The following DNASE1L3 variants were observed in gnomAD, a reference collection of about 807,000 sequenced individuals.
The protein encoded by DNASE1L3 is deoxyribonuclease gamma.
In DNASE1L3, 27 loss-of-function variants were observed where a neutral mutation model predicts 30.9. That is an observed-to-expected ratio of 0.87 (90% confidence interval 0.64 to 1.20). DNASE1L3 has a LOEUF of 1.20. DNASE1L3 is among the 50% of genes most tolerant of loss of function. DNASE1L3 has a pLI of 0.00. For synonymous variants in DNASE1L3, 135 were observed against 138.0 expected (o/e 0.98, Z 0.15); for missense variants, 364 against 378.2 (o/e 0.96, Z 0.31).
intron 4 of DNASE1L3, among the ~76,000 whole-genome samples, chr3:58,203,261 T>A (rs1051487995): frequency 6.6e-6 from 1 of 152,124 alleles, no homozygotes; most frequent in South Asian, 2.1e-4. Flanking sequence ...TCCACTGCAC[T>A]CCTCCATCCT....
chr3:58,196,904 C>T (rs192644137), intron 6 of DNASE1L3, among the ~76,000 whole-genome samples: 158 of 152,344 alleles, frequency 1.0e-3, no homozygotes, highest in African/African-American at 3.2e-3. Context: ...AATATAAATA[C>T]CGTTGCACTA....
chr3:58,192,443 A>C lies in DNASE1L3; in HGVS notation c.*244T>G. On this transcript the variant is annotated 3_prime_UTR_variant, in exon 8 of 8. Transcript: ENST00000394549. This position sits in a 1 kb window ranked among gnomAD's most constrained non-coding sequence, Gnocchi z 4.8. ...AGTGGATGGGGCTCTGGCTCAGGGCATGAAGATCATCATTTTGGTCTACAA... is the reference window on the plus strand; with the variant it reads ...AGTGGATGGGGCTCTGGCTCAGGGCCTGAAGATCATCATTTTGGTCTACAA... The C allele has an allele frequency of 3.0e-6, 1 of 336,602 alleles. No individual in the cohort carries two copies. The highest frequency in any genetic ancestry group is 3.9e-5 in the South Asian group (1 of 25,412). The allele number at this position is 336,602 out of a possible 1,614,324, so 20.9% of individuals were successfully genotyped here.
At chr3:58,205,885 G>A (rs9848572) in intron 2 of DNASE1L3, among the ~76,000 whole-genome samples, 11,608 of 152,236 alleles carry the variant, frequency 0.076, 553 homozygotes, top group African/African-American at 0.13. Context: ...GTACCTGTGG[G>A]AGGCCACTGA....
At chr3:58,210,291 A>G (rs1285648598) in intron 1 of DNASE1L3, among the ~76,000 whole-genome samples, 1 of 152,058 alleles carries the variant, frequency 6.6e-6, no homozygotes, top group Non-Finnish European at 1.5e-5. Flanking sequence ...GAAAGAAGAA[A>G]AGGAAAGAGA....
In DNASE1L3 at chr3:58,197,953, T is replaced by C; in HGVS notation, c.572A>G (p.Asn191Ser). The change falls in exon 6 of 8, where the codon AAT (asparagine) becomes AGT (serine). Residue 191 changes from asparagine to serine, a missense_variant. Asn to Ser is a conservative substitution (Grantham distance 46, BLOSUM62 1). Coordinates refer to ENST00000394549, the MANE Select transcript of DNASE1L3 (RefSeq NM_004944.4). The surrounding 1 kb of genome is among the most constrained non-coding windows in gnomAD (Gnocchi z 5.3). Reference protein sequence around the residue: ...AENFIFMGDFNAGCSYVPKKA... With the variant: ...AENFIFMGDFSAGCSYVPKKA... The stretch of plus-strand genomic sequence containing the variant: ...CTTGGGGACGTAGCTGCAGCCGGCA[T>C]TGAAGTCACCCATGAAAATGAAATT... The C allele has an allele frequency of 1.9e-6, 3 of 1,613,136 alleles. No homozygotes were observed. Among genetic ancestry groups the C allele is most frequent in the Non-Finnish European group, 2.5e-6 (3 of 1,179,486 alleles).
chr3:58,196,319 C>T (rs9827513), intron 6 of DNASE1L3, among the ~76,000 whole-genome samples: 47,430 of 150,528 alleles, frequency 0.32, 8,162 homozygotes, highest in East Asian at 0.64. Context: ...CCGAGGCGGG[C>T]GGATCACGAG....
intron 4 of DNASE1L3, among the ~76,000 whole-genome samples, chr3:58,201,321 A>T (rs1470938250): frequency 2.0e-5 from 3 of 152,274 alleles, no homozygotes; most frequent in African/African-American, 7.2e-5. Context: ...CATTTCTCCC[A>T]GTTGCCCTTC....
chr3:58,207,039 C>T (rs986476902), intron 2 of DNASE1L3, among the ~76,000 whole-genome samples: 3 of 152,120 alleles, frequency 2.0e-5, no homozygotes, highest in Non-Finnish European at 4.4e-5. Context: ...GCCCAAGACC[C>T]AGACATGGCT....
In DNASE1L3 at chr3:58,193,453, AG is replaced by A. The variant is rs2097395366; in HGVS notation, c.705-15del. ...CTAAGCACAATCCTGGAACAAGGGG[AG>A]GGAAAACAGTTGTGTTAATCCAACC... is the stretch of plus-strand genomic sequence containing the variant. On this transcript the variant is annotated splice_polypyrimidine_tract_variant and intron_variant, in intron 6 of 7. Transcript: ENST00000394549. 3.1e-6 allele frequency: 5 copies of A among 1,602,960 alleles called. No homozygotes were observed. The highest frequency in any genetic ancestry group is 1.7e-5 in the Admixed American group (1 of 59,832).
intron 6 of DNASE1L3, among the ~76,000 whole-genome samples, chr3:58,196,077 T>C (rs2097397150): frequency 6.6e-6 from 1 of 152,176 alleles, no homozygotes; most frequent in African/African-American, 2.4e-5. Context: ...GGACTTGACC[T>C]ACCCACGGGC....
intron 7 of DNASE1L3, 121 bp downstream of exon 7, chr3:58,193,222 A>G: frequency 7.0e-7 from 1 of 1,430,698 alleles, no homozygotes; most frequent in Non-Finnish European, 9.5e-7. Flanking sequence ...GACCATAGGC[A>G]TGCATCACCA....
chr3:58,206,358 T>G (rs993117598), intron 2 of DNASE1L3, among the ~76,000 whole-genome samples: 8 of 152,148 alleles, frequency 5.3e-5, no homozygotes, highest in Non-Finnish European at 1.0e-4. Context: ...GGGGCCAACT[T>G]AGACCTTACA....
At chr3:58,208,447 C>G (rs1055354102) in intron 1 of DNASE1L3, 141 bp from the exon 2 acceptor site, 26 of 824,998 alleles carry the variant, frequency 3.2e-5, no homozygotes, top group Non-Finnish European at 4.8e-5. Flanking sequence ...GAAGGACTCC[C>G]TGAGGTAGGT....
rs2097398004 is a variant in DNASE1L3 at position 58,197,301 on chromosome 3, G to C, written c.704+520C>G. 6.6e-6 allele frequency among the ~76,000 whole-genome samples: 1 copy of C among 152,182 alleles called. No homozygotes were observed. The highest frequency in any genetic ancestry group is 1.5e-5 in the Non-Finnish European group (1 of 68,028). ...TCAGGATTTAAATCCAGGCCTATCT[G>C]ATAGCGAAGCCAGTGCTTACCTCTG... is the stretch of plus-strand genomic sequence containing the variant. On this transcript the variant is annotated intron_variant, in intron 6 of 7. Transcript: ENST00000394549. The surrounding 1 kb of genome is among the most constrained non-coding windows in gnomAD (Gnocchi z 5.3).
At position 58,192,620 on chromosome 3, in the gene DNASE1L3, A is replaced by G. The variant is rs1032851070; in HGVS notation, c.*67T>C. 1.3e-5 allele frequency: 19 copies of G among 1,473,404 alleles called. No individual in the cohort carries two copies. The Admixed American group carries it at 3.8e-4, about 29-fold the overall frequency. The allele number at this position is 1,473,404 out of a possible 1,614,324, so 91.3% of individuals were successfully genotyped here. The stretch of plus-strand genomic sequence containing the variant: ...CTCTTGTTTCCTAAGTACAGGGAGC[A>G]GTTCATATCTGTTAGAGACATTTTA... On this transcript the variant is annotated 3_prime_UTR_variant, in exon 8 of 8. Coordinates refer to ENST00000394549, the MANE Select transcript of DNASE1L3 (RefSeq NM_004944.4). The surrounding 1 kb of genome is among the most constrained non-coding windows in gnomAD (Gnocchi z 4.8).
At chr3:58,206,950 A>G (rs1370657780) in intron 2 of DNASE1L3, among the ~76,000 whole-genome samples, 1 of 152,114 alleles carries the variant, frequency 6.6e-6, no homozygotes, top group Non-Finnish European at 1.5e-5. Context: ...CAATTGTCCT[A>G]CACATGCCTT....
At position 58,193,397 on chromosome 3, in the gene DNASE1L3, G is replaced by T; in HGVS notation, c.747C>A (p.Pro249=). The T allele has an allele frequency of 6.2e-7, 1 of 1,614,110 alleles. No homozygotes were observed. The highest frequency in any genetic ancestry group is 1.1e-5 in the South Asian group (1 of 91,070). ...GGAAGTCAAAAACACTGTTTGACTTGGGAACAACAGAACTGACGATTTCTT... is the reference window on the plus strand; with the variant it reads ...GGAAGTCAAAAACACTGTTTGACTTTGGAACAACAGAACTGACGATTTCTT... ...RGQEIVSSVV[P]KSNSVFDFQK... The change falls in exon 7 of 8, where the codon CCC becomes CCA. Residue 249 remains proline (P), a synonymous_variant. Coordinates refer to ENST00000394549, the MANE Select transcript of DNASE1L3 (RefSeq NM_004944.4).
intron 4 of DNASE1L3, among the ~76,000 whole-genome samples, chr3:58,204,222 C>T (rs528128198): frequency 3.3e-5 from 5 of 151,014 alleles, no homozygotes; most frequent in Admixed American, 3.3e-4. Flanking sequence ...CTCACTGCAA[C>T]CTCTGCCTCC....
At position 58,201,110 on chromosome 3, in the gene DNASE1L3, C is replaced by A; in HGVS notation, c.434-1G>T. 1 of 1,604,514 alleles carries A rather than the reference C, an allele frequency of 6.2e-7. No individual in the cohort carries two copies. Among genetic ancestry groups the A allele is most frequent in the Non-Finnish European group, 8.5e-7 (1 of 1,174,026 alleles). ...GGGATAATCACGAAGTCTTTGACAG[C>A]TGAGAAACAGGAAAGAGGCGGGGGT... is the stretch of plus-strand genomic sequence containing the variant. On this transcript the variant is annotated splice_acceptor_variant, in intron 4 of 7. Coordinates refer to ENST00000394549, the MANE Select transcript of DNASE1L3 (RefSeq NM_004944.4). LOFTEE classifies it high-confidence loss of function.
Sources: gnomAD v4.1 joint callset for allele counts (sites outside exome capture counted in the v4.1 genomes callset) on GRCh38, gnomAD v4.1.1 for gene constraint, Gnocchi (gnomAD v3.1) non-coding constraint, MANE v1.5 for transcripts, NCBI Gene and HGNC (gene_info 2026-07-23, HGNC 2026-07-21) for gene names.